The following ENTPD1 variants were observed in gnomAD, a reference collection of about 807,000 sequenced individuals.
ENTPD1 encodes ATP diphosphohydrolase.
ENTPD1 carries 33 observed loss-of-function variants against 57.0 expected under a neutral mutation model. The observed-to-expected ratio is 0.58, with a 90% CI of 0.44 to 0.77. The LOEUF (loss-of-function observed/expected upper bound fraction) is 0.77, where lower values mean the gene tolerates loss of function less well. Ranked by LOEUF, ENTPD1 falls within the 30% of genes least tolerant of loss-of-function variation. The pLI is 0.00. For missense variants in ENTPD1, 501 were observed against 603.4 expected, an observed-to-expected ratio of 0.83 and a Z score of 1.78; for synonymous variants, 202 against 218.8, an observed-to-expected ratio of 0.92 and a Z score of 0.68.
rs2098204344 is a variant in ENTPD1, at chr10:95,791,657, T to C, written c.17-31580T>C. On this transcript the variant is annotated intron_variant, in intron 1 of 9. Coordinates refer to ENST00000371205, the MANE Select transcript of ENTPD1 (RefSeq NM_001776.6). The surrounding 1 kb of genome is among the most constrained non-coding windows in gnomAD (Gnocchi z 4.1). ...TAAATACCCATCTTTTAAACAGGAT[T>C]ACCACTTGGAAGGAGTTGGACTAAG... 6.6e-6 allele frequency among the ~76,000 whole-genome samples: 1 copy of C among 152,166 alleles called. No homozygotes were observed. Among genetic ancestry groups the C allele is most frequent in the African/African-American group, 2.4e-5 (1 of 41,428 alleles).
chr10:95,841,535 T>C (rs1170486417), intron 3 of ENTPD1, among the ~76,000 whole-genome samples: 1 of 152,222 alleles, frequency 6.6e-6, no homozygotes, highest in Non-Finnish European at 1.5e-5. Context: ...AACAATTAGC[T>C]GGTAACTTAG....
At chr10:95,722,263 GTTTT>G (rs1253420905) in intron 1 of ENTPD1, among the ~76,000 whole-genome samples, 1 of 148,950 alleles carries the variant, frequency 6.7e-6, no homozygotes. Flanking sequence ...CAAGTTCATT[GTTTT>G]TTTGTTTTTT....
At chr10:95,753,750 C>G (rs750489875), upstream of ENTPD1, 2 of 152,282 alleles carry the variant, frequency 1.3e-5, no homozygotes, top group Non-Finnish European at 2.9e-5. Flanking sequence ...AATCCTAGCA[C>G]TTTGGGAGGC....
chr10:95,799,598 G>A (rs1312066895), intron 1 of ENTPD1, among the ~76,000 whole-genome samples: 3 of 152,010 alleles, frequency 2.0e-5, no homozygotes, highest in Non-Finnish European at 4.4e-5. Flanking sequence ...TAGTGCTGCA[G>A]TGAACATATG....
the ENTPD1 span, among the ~76,000 whole-genome samples, chr10:95,701,268 C>T: frequency 2.6e-5 from 4 of 151,806 alleles, no homozygotes; most frequent in South Asian, 2.1e-4. Flanking sequence ...CAAGACCAGC[C>T]GGGCAACATA....
the ENTPD1 span, among the ~76,000 whole-genome samples, chr10:95,699,141 C>T: frequency 7.9e-5 from 12 of 152,002 alleles, no homozygotes; most frequent in East Asian, 2.1e-3. Flanking sequence ...CACCAGTGCA[C>T]TCTGCCCTGG....
chr10:95,694,353 C>T, the ENTPD1 span, among the ~76,000 whole-genome samples: 2 of 151,770 alleles, frequency 1.3e-5, no homozygotes, highest in African/African-American at 4.8e-5. Context: ...GAATAATGTT[C>T]TCAGGTGGGG....
At chr10:95,713,466 A>G (rs902787019) in intron 1 of ENTPD1, among the ~76,000 whole-genome samples, 5 of 152,252 alleles carry the variant, frequency 3.3e-5, no homozygotes, top group African/African-American at 1.2e-4. Context: ...AATCTAACCC[A>G]AAACAAAATT....
chr10:95,832,841 A>G (rs895054303), intron 2 of ENTPD1, among the ~76,000 whole-genome samples: 3 of 152,220 alleles, frequency 2.0e-5, no homozygotes, highest in African/African-American at 7.2e-5. Context: ...ATGGAATAAT[A>G]CAAGTGACTT....
Position 95,876,127 on chromosome 10 carries a change from C to T in ENTPD1, c.*9744C>T, listed in dbSNP as rs2141042630. On this transcript the variant is annotated 3_prime_UTR_variant, in exon 10 of 10. Transcript: ENST00000371205. ...TCATACATAACTAAAAATAGAGCCT[C>T]AATAAACAGATTCCCAGTTTTGAAA... The T allele has an allele frequency of 2.0e-6, 2 of 985,356 alleles. No homozygotes were observed. The highest frequency in any genetic ancestry group is 9.4e-5 in the South Asian group (2 of 21,284). 61.0% of individuals were successfully genotyped at this position (985,356 alleles called of 1,614,324 possible).
intron 6 of ENTPD1, among the ~76,000 whole-genome samples, chr10:95,847,220 T>G (rs2098437483): frequency 6.6e-6 from 1 of 152,114 alleles, no homozygotes; most frequent in Non-Finnish European, 1.5e-5. Flanking sequence ...ACATCAGCAT[T>G]CTTTGACTAG....
chr10:95,787,020 C>T (rs929386502), intron 1 of ENTPD1, among the ~76,000 whole-genome samples: 1 of 152,148 alleles, frequency 6.6e-6, no homozygotes, highest in South Asian at 2.1e-4. Flanking sequence ...GTGACTTACT[C>T]AAGATCCCAG....
At chr10:95,705,025 TAA>T in the ENTPD1 span, among the ~76,000 whole-genome samples, 8 of 151,966 alleles carry the variant, frequency 5.3e-5, no homozygotes, top group Non-Finnish European at 1.2e-4. Flanking sequence ...GTAATAAACA[TAA>T]AAGAGAAACT....
intron 1 of ENTPD1, among the ~76,000 whole-genome samples, chr10:95,804,532 A>C (rs931823470): frequency 1.3e-5 from 2 of 152,200 alleles, no homozygotes; most frequent in Non-Finnish European, 2.9e-5. Context: ...TTGCACATTA[A>C]ATTTGTTTCC....
chr10:95,840,304 G>A (rs897791413), intron 3 of ENTPD1, among the ~76,000 whole-genome samples: 1 of 152,200 alleles, frequency 6.6e-6, no homozygotes, highest in African/African-American at 2.4e-5. Flanking sequence ...AAACACAGAT[G>A]ATGGGTCCCA....
chr10:95,873,295 CGTG>C lies in ENTPD1; in HGVS notation c.*6915_*6917del. On this transcript the variant is annotated 3_prime_UTR_variant, in exon 10 of 10. Coordinates refer to ENST00000371205, the MANE Select transcript of ENTPD1 (RefSeq NM_001776.6). ...TTCTGTTCCACAGCAGGCCAGCTAACGTGGTATTTACAAAGCTCACTCCTCTTA... is the reference window on the plus strand; with the variant it reads ...TTCTGTTCCACAGCAGGCCAGCTAACGTATTTACAAAGCTCACTCCTCTTA... 1 of 985,438 alleles carries C rather than the reference CGTG, an allele frequency of 1.0e-6. No homozygotes were observed. The highest frequency in any genetic ancestry group is 1.2e-6 in the Non-Finnish European group (1 of 829,944). The allele number at this position is 985,438 out of a possible 1,614,324, so 61.0% of individuals were successfully genotyped here. A position where few individuals can be genotyped will look rare whatever the true frequency, so the allele number is the denominator to read the frequency against.
At chr10:95,712,566 G>A (rs1375048371) in intron 1 of ENTPD1, among the ~76,000 whole-genome samples, 1 of 152,188 alleles carries the variant, frequency 6.6e-6, no homozygotes, top group Non-Finnish European at 1.5e-5. Context: ...CAAGCTCTCA[G>A]GGGAGTTTGT....
At chr10:95,803,637 C>T (rs4406763) in intron 1 of ENTPD1, among the ~76,000 whole-genome samples, 102,442 of 151,942 alleles carry the variant, frequency 0.67, 35,026 homozygotes, top group Admixed American at 0.74. Context: ...GCAAAAATTT[C>T]CTCCCATTCT....
intron 7 of ENTPD1, among the ~76,000 whole-genome samples, chr10:95,857,448 A>AAAT (rs1166352540): frequency 2.0e-5 from 3 of 152,206 alleles, no homozygotes; most frequent in Non-Finnish European, 4.4e-5. Context: ...CAATTTAAGG[A>AAAT]AATATTTATT....
Sources: gnomAD v4.1 joint callset for allele counts (sites outside exome capture counted in the v4.1 genomes callset) on GRCh38, gnomAD v4.1.1 for gene constraint, Gnocchi (gnomAD v3.1) non-coding constraint, MANE v1.5 for transcripts, NCBI Gene and HGNC (gene_info 2026-07-23, HGNC 2026-07-21) for gene names.